The following NMRK1 variants were observed in gnomAD, a reference collection of about 807,000 sequenced individuals.
NMRK1 encodes the protein NRK 1.
NMRK1 carries 28 observed loss-of-function variants against 29.9 expected under a neutral mutation model. That is an observed-to-expected ratio of 0.94 (90% CI 0.69 to 1.28). The LOEUF (loss-of-function observed/expected upper bound fraction) is 1.28, where lower values mean the gene tolerates loss of function less well. Ranked by LOEUF, NMRK1 falls within the 50% of genes most tolerant of loss-of-function variation. The pLI is 0.00. For missense variants in NMRK1, 218 were observed against 233.1 expected, an observed-to-expected ratio of 0.94 and a Z score of 0.42; for synonymous variants, 58 against 73.0, an observed-to-expected ratio of 0.79 and a Z score of 1.05.
rs753325858 is a variant in NMRK1 at position 75,083,164 on chromosome 9, A to T, written c.-35-14T>A. 1.6e-6 allele frequency: 2 copies of T among 1,278,134 alleles called. No homozygotes were observed. Among genetic ancestry groups the T allele is most frequent in the East Asian group, 4.6e-5 (2 of 43,422 alleles). 79.2% of individuals were successfully genotyped at this position (1,278,134 alleles called of 1,614,324 possible). On this transcript the variant is annotated splice_polypyrimidine_tract_variant and intron_variant, in intron 1 of 8. Transcript: ENST00000361092. ...TCCTAATATTTCCTAAAAGTAAAAA[A>T]ACAAACAAACAAATCAAATGCATTT... is the stretch of plus-strand genomic sequence containing the variant.
intron 8 of NMRK1, among the ~76,000 whole-genome samples, chr9:75,064,966 T>C (rs1823253212): frequency 6.6e-6 from 1 of 152,162 alleles, no homozygotes; most frequent in African/African-American, 2.4e-5. Context: ...CTTCTTCTGG[T>C]TTCTACCTCC....
intron 7 of NMRK1, chr9:75,067,257 T>G (rs1823408046): frequency 6.2e-6 from 1 of 161,816 alleles, no homozygotes; most frequent in Non-Finnish European, 1.4e-5. Context: ...AACAATGCAG[T>G]GGTCTGGGAT....
chr9:75,065,665 C>A (rs894849611), intron 8 of NMRK1, among the ~76,000 whole-genome samples: 1 of 152,054 alleles, frequency 6.6e-6, no homozygotes, highest in African/African-American at 2.4e-5. Context: ...TATTCAATTA[C>A]AAGATGGGTT....
chr9:75,078,502 G>C, intron 2 of NMRK1: 1 of 1,376,226 alleles, frequency 7.3e-7, no homozygotes, highest in Non-Finnish European at 9.5e-7. Flanking sequence ...TAGTTTTGCA[G>C]CATCGAGGAG....
intron 1 of NMRK1, among the ~76,000 whole-genome samples, chr9:75,084,979 T>C (rs1401693749): frequency 2.6e-5 from 4 of 152,204 alleles, no homozygotes; most frequent in Non-Finnish European, 5.9e-5. Flanking sequence ...TATTCTTATT[T>C]TTTTGGTATG....
At chr9:75,078,246 A>C (rs567855577) in intron 2 of NMRK1, 97 of 1,538,612 alleles carry the variant, frequency 6.3e-5, no homozygotes, top group Non-Finnish European at 8.3e-5. Context: ...CAAGTGTATA[A>C]AACTGCATAT....
intron 1 of NMRK1, among the ~76,000 whole-genome samples, chr9:75,086,196 A>C (rs1046480951): frequency 2.6e-5 from 4 of 152,212 alleles, no homozygotes; most frequent in African/African-American, 9.7e-5. Flanking sequence ...AAAACAACCC[A>C]AAAACTGCCT....
chr9:75,076,225 TA>T (rs1325422635), intron 4 of NMRK1, among the ~76,000 whole-genome samples: 1 of 152,256 alleles, frequency 6.6e-6, no homozygotes, highest in African/African-American at 2.4e-5. Context: ...TGTGTATATG[TA>T]ATGGAATATC....
At chr9:75,069,720 C>T (rs777715797) in intron 6 of NMRK1, 22 bp downstream of exon 6, 1 of 1,596,538 alleles carries the variant, frequency 6.3e-7, no homozygotes, top group Admixed American at 1.7e-5. Flanking sequence ...TTACAACTCA[C>T]AAAGATGGCT....
intron 6 of NMRK1, chr9:75,069,323 CTTAA>C (rs1360472945): frequency 3.8e-6 from 2 of 527,980 alleles, no homozygotes; most frequent in South Asian, 3.0e-5. Context: ...GACTATCATT[CTTAA>C]TTATTCTTTT....
At chr9:75,077,437 G>T (rs1824060616) in intron 3 of NMRK1, 53 bp downstream of exon 3, 3 of 1,244,332 alleles carry the variant, frequency 2.4e-6, no homozygotes, top group South Asian at 1.3e-5. Context: ...CAATTAACGT[G>T]GTGGTTAAAC....
intron 1 of NMRK1, chr9:75,087,595 TTTC>T (rs1216762046): frequency 1.3e-5 from 2 of 150,438 alleles, no homozygotes; most frequent in East Asian, 2.0e-4. Context: ...TTTCTTTTTA[TTTC>T]TTTTCAGTCA....
intron 7 of NMRK1, 188 bp from the exon 8 acceptor site, chr9:75,067,028 A>G: frequency 2.1e-6 from 1 of 468,756 alleles, no homozygotes; most frequent in Non-Finnish European, 3.8e-6. Flanking sequence ...TAGGTCAAAA[A>G]TATTGGATTG....
At position 75,083,154 on chromosome 9, in the gene NMRK1, A is replaced by C; in HGVS notation, c.-35-4T>G. 1 of 1,406,240 alleles carries C rather than the reference A, an allele frequency of 7.1e-7. No homozygotes were observed. The allele number at this position is 1,406,240 out of a possible 1,614,324, so 87.1% of individuals were successfully genotyped here. On this transcript the variant is annotated splice_polypyrimidine_tract_variant and splice_region_variant and intron_variant, in intron 1 of 8. Transcript: ENST00000361092. ...AATCACAGCTTCCTAATATTTCCTA[A>C]AAGTAAAAAAACAAACAAACAAATC... is the stretch of plus-strand genomic sequence containing the variant.
intron 7 of NMRK1, chr9:75,067,183 A>G: frequency 5.2e-6 from 1 of 193,574 alleles, no homozygotes; most frequent in Non-Finnish European, 1.1e-5. Context: ...TTCACCCAAA[A>G]GGGTCACTTA....
chr9:75,077,460 A>T, intron 3 of NMRK1, 30 bp downstream of exon 3: 1 of 1,408,928 alleles, frequency 7.1e-7, no homozygotes, highest in Non-Finnish European at 1.0e-6. Flanking sequence ...TTTTGTATTA[A>T]ATAAATAATT....
At chr9:75,061,843 A>T (rs1823038536) in intron 8 of NMRK1, among the ~76,000 whole-genome samples, 1 of 152,228 alleles carries the variant, frequency 6.6e-6, no homozygotes, top group Admixed American at 6.5e-5. Flanking sequence ...TAGTTTGAAG[A>T]CTAGAATAAA....
At chr9:75,071,103 T>C (rs2118089506) in intron 4 of NMRK1, among the ~76,000 whole-genome samples, 1 of 152,266 alleles carries the variant, frequency 6.6e-6, no homozygotes, top group Non-Finnish European at 1.5e-5. Flanking sequence ...ACTTTTTTAG[T>C]CCCACACTTT....
intron 2 of NMRK1, 64 bp from the exon 3 acceptor site, chr9:75,077,644 T>C: frequency 8.1e-7 from 1 of 1,237,772 alleles, no homozygotes; most frequent in East Asian, 2.4e-5. Flanking sequence ...AAACACTTTT[T>C]TTTTTTTGAG....
Sources: allele counts gnomAD v4.1 joint callset (sites outside exome capture counted in the v4.1 genomes callset), GRCh38; gene constraint gnomAD v4.1.1; transcripts MANE v1.5; gene names NCBI Gene and HGNC (gene_info 2026-07-23, HGNC 2026-07-21).